Variants in EIF2B4 observed in about 807,000 individuals in gnomAD.
The protein encoded by EIF2B4 is translation initiation factor eIF2B subunit delta.
In EIF2B4, 34 loss-of-function variants were observed where a neutral mutation model predicts 66.7. The observed-to-expected ratio is 0.51, with a 90% CI of 0.39 to 0.68. EIF2B4 has a LOEUF of 0.68. Among genes scored for constraint, EIF2B4 ranks in the 30% least tolerant of loss-of-function variants. The pLI, the probability that EIF2B4 is intolerant of heterozygous loss-of-function variation, is 0.00. For missense variants in EIF2B4, 618 were observed against 657.9 expected (o/e 0.94, Z 0.66); for synonymous variants, 278 against 253.6 (o/e 1.10, Z -0.92).
In EIF2B4 at chr2:27,364,751, C is replaced by T. The variant is rs746154598; in HGVS notation, c.1339G>A (p.Val447Met). Residue 447 changes from valine to methionine, a missense_variant, in exon 12 of 13, where the codon GTG becomes ATG. Val to Met is a conservative substitution (Grantham distance 21). Around this residue, in one of 4 missense-constraint regions of EIF2B4, gnomAD observed 36 missense variants for 65.5 expected, o/e 0.55. Coordinates refer to ENST00000347454, the MANE Select transcript of EIF2B4 (RefSeq NM_001034116.2). ...CCETYKFCER[V>M]QTDAFVSNEL... ...TTAGAGACAAAGGCATCAGTCTGCA[C>T]ACGCTCACAGAACTTGTATGTTTCA... 2.3e-5 allele frequency: 37 copies of T among 1,614,208 alleles called. No individual in the cohort carries two copies. Among genetic ancestry groups the T allele is most frequent in the Non-Finnish European group, 3.1e-5 (36 of 1,180,042 alleles).
chr2:27,368,698 C>T lies in EIF2B4; in HGVS notation c.454G>A (p.Asp152Asn). 1 of 1,614,152 alleles carries T rather than the reference C, an allele frequency of 6.2e-7. No individual in the cohort carries two copies. Among genetic ancestry groups the T allele is most frequent in the Non-Finnish European group, 8.5e-7 (1 of 1,180,044 alleles). ...KRLPEYPQVDDLLLRRLVKKP... is the reference protein window; with the variant it reads ...KRLPEYPQVDNLLLRRLVKKP... Reference sequence around the variant, plus strand: ...TTAACAAGCCTTCTCAGAAGTAGGTCATCAACCTGAGGGTACTCAGGGAGA... The same window carrying T: ...TTAACAAGCCTTCTCAGAAGTAGGTTATCAACCTGAGGGTACTCAGGGAGA... The change falls in exon 5 of 13, where the codon GAC becomes AAC. Residue 152 changes from aspartate to asparagine, a missense_variant. By Grantham distance (23) the Asp-to-Asn change is conservative. Coordinates refer to ENST00000347454, the MANE Select transcript of EIF2B4 (RefSeq NM_001034116.2).
In EIF2B4 at chr2:27,369,463, C is replaced by T; in HGVS notation, c.162G>A (p.Lys54=). 1 of 1,614,114 alleles carries T rather than the reference C, an allele frequency of 6.2e-7. No individual in the cohort carries two copies. The highest frequency in any genetic ancestry group is 8.5e-7 in the Non-Finnish European group (1 of 1,180,020). ...KQQKKKRKEE[K]GAEPETGSAV... ...CAGAGCCAGTCTCTGGTTCTGCCCC[C>T]TTTTCTTCCTTCCGTTTCTTCTTCT... is the stretch of plus-strand genomic sequence containing the variant. The change falls in exon 3 of 13, where the codon AAG becomes AAA. Residue 54 remains lysine (K), a synonymous_variant. Transcript: ENST00000347454.
chr2:27,368,482 C>A lies in EIF2B4; in HGVS notation c.499-19G>T, dbSNP rs1334333230. Reference sequence around the variant, plus strand: ...TAGGAACCTTGACAAAACAAGGGAACAGGACCAATGGCCCAGAGTTTAAAA... The same window carrying A: ...TAGGAACCTTGACAAAACAAGGGAAAAGGACCAATGGCCCAGAGTTTAAAA... On this transcript the variant is annotated intron_variant, in intron 5 of 12. Coordinates refer to ENST00000347454, the MANE Select transcript of EIF2B4 (RefSeq NM_001034116.2). The A allele has an allele frequency of 1.2e-6, 2 of 1,604,664 alleles. No individual in the cohort carries two copies. The highest frequency in any genetic ancestry group is 2.2e-5 in the South Asian group (2 of 90,856).
chr2:27,364,526 T>C lies in EIF2B4; in HGVS notation c.1446A>G (p.Leu482=). 6.2e-7 allele frequency: 1 copy of C among 1,614,166 alleles called. No homozygotes were observed. The highest frequency in any genetic ancestry group is 2.2e-5 in the East Asian group (1 of 44,886). Residue 482 remains leucine (L), a synonymous_variant, in exon 13 of 13, where the codon CTA becomes CTG. Coordinates refer to ENST00000347454, the MANE Select transcript of EIF2B4 (RefSeq NM_001034116.2). ...ALANWQNHAS[L]RLLNLVYDVT... Reference sequence around the variant, plus strand: ...CATCATAGACTAGATTCAACAACCGTAGGGATGCGTGGTTCTGCCAGTTAG... The same window carrying C: ...CATCATAGACTAGATTCAACAACCGCAGGGATGCGTGGTTCTGCCAGTTAG...
At chr2:27,369,815 A>G in intron 2 of EIF2B4, 61 bp downstream of exon 2, 1 of 1,527,218 alleles carries the variant, frequency 6.5e-7, no homozygotes, top group Non-Finnish European at 8.8e-7. Flanking sequence ...GGGCGGAATA[A>G]AGCTGGCACA....
In EIF2B4 at chr2:27,369,009, A is replaced by T. The variant is rs1027298754; in HGVS notation, c.415T>A (p.Ser139Thr). 30 of 1,613,980 alleles carry T rather than the reference A, an allele frequency of 1.9e-5. No homozygotes were observed. The highest frequency in any genetic ancestry group is 2.5e-5 in the Non-Finnish European group (30 of 1,180,020). The change falls in exon 4 of 13, where the codon TCA (serine) becomes ACA (threonine). Residue 139 changes from serine to threonine, a missense_variant. Physicochemically the swap from Ser to Thr is moderately conservative, Grantham distance 58. This residue lies in a region of EIF2B4 where 506 missense variants were observed against 511.9 expected (regional missense o/e 0.99). Coordinates refer to ENST00000347454, the MANE Select transcript of EIF2B4 (RefSeq NM_001034116.2). ...ASPSTAGETP[S>T]GVKRLPEYPQ... Reference sequence around the variant, plus strand: ...TCTTAAAATGAAGGGAAGATACCTGAGGGGGTTTCTCCAGCTGTGCTGGGG... The same window carrying T: ...TCTTAAAATGAAGGGAAGATACCTGTGGGGGTTTCTCCAGCTGTGCTGGGG...
rs1457766329 is a variant in EIF2B4 at position 27,364,557 on chromosome 2, G to A, written c.1415C>T (p.Ala472Val). 20 of 1,614,030 alleles carry A rather than the reference G, an allele frequency of 1.2e-5. No individual in the cohort carries two copies. Among genetic ancestry groups the A allele is most frequent in the African/African-American group, 2.7e-5 (2 of 74,916 alleles). ...DLQCKRGEHV[A>V]LANWQNHASL... ...TGCGTGGTTCTGCCAGTTAGCCAGC[G>A]CAACATGTTCTCCCCGCTTACATTG... is the stretch of plus-strand genomic sequence containing the variant. The change falls in exon 13 of 13, where the codon GCG (alanine) becomes GTG (valine). Residue 472 changes from alanine (A) to valine (V), a missense_variant. Ala to Val is a moderately conservative substitution (Grantham distance 64, BLOSUM62 0). Transcript: ENST00000347454.
rs1395304493 is a variant in EIF2B4 at position 27,369,055 on chromosome 2, T to C, written c.369A>G (p.Gly123=). The part of the protein sequence containing the change: ...ALKQARKGEQ[G]GPPPKASPST... ...TGGGGCTGGCCTTAGGAGGTGGTCC[T>C]CCTTGTTCCCCTTTTCTTGCCTGTT... Residue 123 remains glycine, a synonymous_variant, in exon 4 of 13, where the codon GGA becomes GGG. Coordinates refer to ENST00000347454, the MANE Select transcript of EIF2B4 (RefSeq NM_001034116.2). 6.2e-7 allele frequency: 1 copy of C among 1,614,042 alleles called. No individual in the cohort carries two copies. The highest frequency in any genetic ancestry group is 8.5e-7 in the Non-Finnish European group (1 of 1,180,030).
chr2:27,368,255 C>G, intron 6 of EIF2B4, 116 bp from the exon 7 acceptor site: 1 of 1,314,994 alleles, frequency 7.6e-7, no homozygotes, highest in Non-Finnish European at 1.1e-6. Flanking sequence ...CTCTACAGTT[C>G]TGCCTTGGGT....
Position 27,369,092 on chromosome 2 carries a change from T to G in EIF2B4, c.332A>C (p.Glu111Ala), listed in dbSNP as rs775331954. 1 of 1,614,106 alleles carries G rather than the reference T, an allele frequency of 6.2e-7. No homozygotes were observed. Among genetic ancestry groups the G allele is most frequent in the Non-Finnish European group, 8.5e-7 (1 of 1,180,004 alleles). Reference protein sequence around the residue: ...RAERRAKQEAERALKQARKGE... With the variant: ...RAERRAKQEAARALKQARKGE... Reference sequence around the variant, plus strand: ...TTTTCTTGCCTGTTTCAGGGCCCGCTCGGCCTCCTGCTTGGCTCGACGCTC... The same window carrying G: ...TTTTCTTGCCTGTTTCAGGGCCCGCGCGGCCTCCTGCTTGGCTCGACGCTC... Residue 111 changes from glutamate (E) to alanine (A), a missense_variant, in exon 4 of 13, where the codon GAG becomes GCG. Glu to Ala is a moderately radical substitution (Grantham distance 107, BLOSUM62 -1). Around this residue, in one of 4 missense-constraint regions of EIF2B4, gnomAD observed 506 missense variants for 511.9 expected, o/e 0.99. Coordinates refer to ENST00000347454, the MANE Select transcript of EIF2B4 (RefSeq NM_001034116.2).
intron 8 of EIF2B4, 54 bp downstream of exon 8, chr2:27,367,692 A>T: frequency 6.3e-7 from 1 of 1,589,028 alleles, no homozygotes; most frequent in Non-Finnish European, 8.6e-7. Context: ...CAGGAAAAAG[A>T]GTACAAGACA....
At chr2:27,367,027 G>A (rs765749379) in intron 10 of EIF2B4, 47 bp downstream of exon 10, 1 of 1,614,054 alleles carries the variant, frequency 6.2e-7, no homozygotes, top group East Asian at 2.2e-5. Flanking sequence ...CCCTTCTTCA[G>A]ATCATTCCAA....
At position 27,366,941 on chromosome 2, in the gene EIF2B4, A is replaced by G. The variant is rs1399921733; in HGVS notation, c.1014-5T>C. 1.2e-6 allele frequency: 2 copies of G among 1,614,090 alleles called. No individual in the cohort carries two copies. The highest frequency in any genetic ancestry group is 1.7e-6 in the Non-Finnish European group (2 of 1,180,058). ...ATTCGTGATACCAGAGATGAGCTAG[A>G]GTGAATGAAGAGGAGGATTCAGTTA... On this transcript the variant is annotated splice_region_variant and splice_polypyrimidine_tract_variant and intron_variant, in intron 10 of 12. Transcript: ENST00000347454.
In EIF2B4 at chr2:27,366,890, G is replaced by T. The variant is rs779319688; in HGVS notation, c.1060C>A (p.Arg354=). 5.6e-6 allele frequency: 9 copies of T among 1,614,166 alleles called. No homozygotes were observed. The highest frequency in any genetic ancestry group is 3.3e-4 in the Middle Eastern group (2 of 6,062). ...TCCACCACTACCACCCGAAACCGCC[G>T]GCCCTCTGTCCAAGCCTCCTGAAGA... is the stretch of plus-strand genomic sequence containing the variant. ...RILQEAWTEG[R]RFRVVVVDSR... The change falls in exon 11 of 13, where the codon CGG becomes AGG. Residue 354 remains arginine, a synonymous_variant. Coordinates refer to ENST00000347454, the MANE Select transcript of EIF2B4 (RefSeq NM_001034116.2).
chr2:27,369,234 A>G, intron 3 of EIF2B4, 22 bp from the exon 4 acceptor site: 1 of 1,604,982 alleles, frequency 6.2e-7, no homozygotes, highest in Admixed American at 1.7e-5. Flanking sequence ...AAAAAAAAAA[A>G]TGCCCAAGCT....
intron 3 of EIF2B4, 27 bp from the exon 4 acceptor site, chr2:27,369,239 C>T (rs751361348): frequency 6.9e-6 from 11 of 1,599,908 alleles, no homozygotes; most frequent in Non-Finnish European, 1.7e-6. Flanking sequence ...AAAAAATGCC[C>T]AAGCTGCAGG....
intron 11 of EIF2B4, 166 bp from the exon 12 acceptor site, chr2:27,365,064 T>C (rs1175673014): frequency 9.2e-6 from 7 of 758,604 alleles, no homozygotes; most frequent in East Asian, 5.5e-5. Context: ...TCTTTTTTTT[T>C]TTTTTCTTTG....
chr2:27,368,773 T>C (rs1682068635), intron 4 of EIF2B4, 40 bp from the exon 5 acceptor site: 1 of 1,597,940 alleles, frequency 6.3e-7, no homozygotes, highest in Non-Finnish European at 8.6e-7. Context: ...ACTGTAGGTC[T>C]TGAAATGTGT....
rs1681763286 is a variant in EIF2B4, at chr2:27,365,289, C to T, written c.1192-391G>A. On this transcript the variant is annotated intron_variant, in intron 11 of 12. Transcript: ENST00000347454. ...CCACGTTGGTCAGGCTGGTCTCGAA[C>T]TCCCAACCTCAGGTGATCTGCCCGC... Among the ~76,000 whole-genome samples the T allele has an allele frequency of 2.6e-5, 4 of 151,926 alleles. No homozygotes were observed. The South Asian group carries it at 6.2e-4, about 24-fold the overall frequency.
Sources: gnomAD v4.1 joint callset for allele counts (sites outside exome capture counted in the v4.1 genomes callset) on GRCh38, gnomAD v4.1.1 for gene constraint, gnomAD v4.1.1 regional missense constraint, MANE v1.5 for transcripts, NCBI Gene and HGNC (gene_info 2026-07-23, HGNC 2026-07-21) for gene names.